The following C10orf90 variants were observed in gnomAD, a reference collection of about 807,000 sequenced individuals.
The protein encoded by C10orf90 is (E2-independent) E3 ubiquitin-conjugating enzyme FATS.
Under a neutral mutation model 62.5 loss-of-function variants are expected in C10orf90, and 56 were observed. That is an observed-to-expected ratio of 0.90 (90% CI 0.72 to 1.12). The LOEUF is 1.12. C10orf90 is among the 50% of genes most tolerant of loss of function. C10orf90 has a pLI of 0.00. For synonymous variants in C10orf90, 386 were observed against 340.4 expected, an observed-to-expected ratio of 1.13 and a Z score of -1.47; for missense variants, 970 against 880.4, an observed-to-expected ratio of 1.10 and a Z score of -1.29.
chr10:126,447,040 G>A (rs1380252925), intron 7 of C10orf90, among the ~76,000 whole-genome samples: 2 of 151,956 alleles, frequency 1.3e-5, no homozygotes, highest in Non-Finnish European at 2.9e-5. Context: ...AGACAAAAGA[G>A]AAATAAACCA....
At chr10:126,454,395 C>T (rs1212817512) in intron 7 of C10orf90, among the ~76,000 whole-genome samples, 3 of 151,916 alleles carry the variant, frequency 2.0e-5, no homozygotes, top group African/African-American at 7.3e-5. Context: ...ATACCCTCTA[C>T]AACTTGCAGG....
At chr10:126,472,846 G>C (rs1860652822) in intron 4 of C10orf90, among the ~76,000 whole-genome samples, 1 of 152,144 alleles carries the variant, frequency 6.6e-6, no homozygotes, top group Non-Finnish European at 1.5e-5. Flanking sequence ...GTCTGCGTGT[G>C]TGCATGTGCA....
rs183379395 is a variant in C10orf90, at chr10:126,633,553, G to A, written c.313+13012C>T. ...CCCCTCCTGTAGGATGAGGCTGCAG[G>A]AATAAAGAAAAAGCCAGGCGTGGGG... On this transcript the variant is annotated intron_variant, in intron 2 of 9. Transcript: ENST00000488181. Among the ~76,000 whole-genome samples the A allele has an allele frequency of 6.5e-3, 996 of 152,316 alleles. 19 individuals carry two copies. Among genetic ancestry groups the A allele is most frequent in the Non-Finnish European group, 5.9e-3 (399 of 68,022 alleles).
intron 2 of C10orf90, chr10:126,522,725 G>C (rs905137441): frequency 6.6e-6 from 1 of 152,194 alleles, no homozygotes; most frequent in Non-Finnish European, 1.5e-5. Context: ...TCTCTTACCA[G>C]GTGTCACCCC....
intron 2 of C10orf90, among the ~76,000 whole-genome samples, chr10:126,516,483 G>A (rs1863443687): frequency 6.6e-6 from 1 of 152,142 alleles, no homozygotes; most frequent in African/African-American, 2.4e-5. Flanking sequence ...GCATCCTTTG[G>A]TTCCTCACCA....
At chr10:126,606,346 T>C (rs1287660673) in intron 2 of C10orf90, among the ~76,000 whole-genome samples, 1 of 152,246 alleles carries the variant, frequency 6.6e-6, no homozygotes, top group Non-Finnish European at 1.5e-5. Context: ...TATGGCTCAT[T>C]GCCCTGACAC....
At chr10:126,600,151 AGT>A (rs1334902547) in intron 2 of C10orf90, among the ~76,000 whole-genome samples, 3 of 151,974 alleles carry the variant, frequency 2.0e-5, no homozygotes, top group Admixed American at 1.3e-4. Flanking sequence ...TGTGTGCACA[AGT>A]GTGTGCGTAT....
At chr10:126,470,984 T>C (rs1244627410) in intron 4 of C10orf90, among the ~76,000 whole-genome samples, 1 of 152,228 alleles carries the variant, frequency 6.6e-6, no homozygotes, top group Non-Finnish European at 1.5e-5. Flanking sequence ...GACTTCTGTT[T>C]AAAATCAACT....
intron 2 of C10orf90, among the ~76,000 whole-genome samples, chr10:126,621,396 C>T (rs537760817): frequency 7.9e-5 from 12 of 152,222 alleles, no homozygotes; most frequent in African/African-American, 2.4e-4. Context: ...CAAAAACAGT[C>T]GTTATTTGCT....
At chr10:126,632,266 G>A (rs1182321518) in intron 2 of C10orf90, among the ~76,000 whole-genome samples, 2 of 151,922 alleles carry the variant, frequency 1.3e-5, no homozygotes, top group East Asian at 3.9e-4. Context: ...GCAGCAAGGA[G>A]GGTGACACAG....
rs148060151 is a variant in C10orf90, at chr10:126,559,077, T to C, written c.314-45138A>G. ...ATGTAGTAATTTATAGGGAACATTT[T>C]GTAAAACCATTCTATGCCAGCTGAT... On this transcript the variant is annotated intron_variant, in intron 2 of 9. Coordinates refer to ENST00000488181, the MANE Select transcript of C10orf90 (RefSeq NM_001350921.2). 2.9e-3 allele frequency among the ~76,000 whole-genome samples: 437 copies of C among 152,382 alleles called. 10 individuals are homozygous for C. The East Asian group carries it at 0.042, about 15-fold the overall frequency.
intron 4 of C10orf90, among the ~76,000 whole-genome samples, chr10:126,498,298 C>T (rs1862187393): frequency 6.6e-6 from 1 of 152,152 alleles, no homozygotes; most frequent in South Asian, 2.1e-4. Flanking sequence ...ACACATAGCC[C>T]CAGAATCTGA....
chr10:126,547,564 GAGAA>G (rs1864530501), intron 2 of C10orf90, among the ~76,000 whole-genome samples: 1 of 143,574 alleles, frequency 7.0e-6, no homozygotes, highest in East Asian at 2.0e-4. Flanking sequence ...TTATCTGAGA[GAGAA>G]ATTAAAGCAG....
At chr10:126,616,568 G>A (rs1336782958) in intron 2 of C10orf90, among the ~76,000 whole-genome samples, 2 of 152,134 alleles carry the variant, frequency 1.3e-5, no homozygotes, top group South Asian at 2.1e-4. Context: ...ATGCTGACAC[G>A]GGCACAGAGG....
chr10:126,633,814 A>G (rs1350209197), intron 2 of C10orf90, among the ~76,000 whole-genome samples: 1 of 152,224 alleles, frequency 6.6e-6, no homozygotes, highest in Non-Finnish European at 1.5e-5. Flanking sequence ...CACACCTGTA[A>G]GCATCTGTAT....
At position 126,504,356 on chromosome 10, in the gene C10orf90, T is replaced by C; in HGVS notation, c.1135A>G (p.Ser379Gly). 1 of 1,614,206 alleles carries C rather than the reference T, an allele frequency of 6.2e-7. No homozygotes were observed. The highest frequency in any genetic ancestry group is 8.5e-7 in the Non-Finnish European group (1 of 1,180,044). The change falls in exon 4 of 10, where the codon AGC becomes GGC. Residue 379 changes from serine to glycine, a missense_variant. Coordinates refer to ENST00000488181, the MANE Select transcript of C10orf90 (RefSeq NM_001350921.2). The surrounding 1 kb of genome is among the most constrained non-coding windows in gnomAD (Gnocchi z 4.1). Reference protein sequence around the residue: ...SVPIEPPQIASPKMHRSVLSL... With the variant: ...SVPIEPPQIAGPKMHRSVLSL... ...AGGACGGATCTGTGCATTTTGGGGCTGGCAATTTGAGGTGGCTCAATGGGG... is the reference window on the plus strand; with the variant it reads ...AGGACGGATCTGTGCATTTTGGGGCCGGCAATTTGAGGTGGCTCAATGGGG...
rs534025505 is a variant in C10orf90 at position 126,654,600 on chromosome 10, TC to T, written c.241-7964del. ...TAAGGCTGTTCTACTTTCTTATCAT[TC>T]CTGTGTTCACTGGAGTAGCACTTTT... On this transcript the variant is annotated intron_variant, in intron 1 of 9. Transcript: ENST00000488181. 2.9e-3 allele frequency among the ~76,000 whole-genome samples: 448 copies of T among 152,348 alleles called. 3 individuals carry two copies. Among genetic ancestry groups the T allele is most frequent in the African/African-American group, 0.01 (436 of 41,584 alleles).
intron 7 of C10orf90, among the ~76,000 whole-genome samples, chr10:126,438,040 C>T (rs1048584334): frequency 6.6e-6 from 1 of 152,206 alleles, no homozygotes; most frequent in Non-Finnish European, 1.5e-5. Context: ...ATGTGACTGA[C>T]TCCACTTTTT....
At chr10:126,581,982 A>C in intron 2 of C10orf90, among the ~76,000 whole-genome samples, 1 of 152,274 alleles carries the variant, frequency 6.6e-6, no homozygotes, top group Admixed American at 6.5e-5. Context: ...TGATGCTAGC[A>C]GGGACAGTGG....
Sources: allele counts gnomAD v4.1 joint callset (sites outside exome capture counted in the v4.1 genomes callset), GRCh38; gene constraint gnomAD v4.1.1; non-coding constraint Gnocchi (gnomAD v3.1); transcripts MANE v1.5; gene names NCBI Gene and HGNC (gene_info 2026-07-23, HGNC 2026-07-21).